The following WIPF1 variants were observed in gnomAD, a reference collection of about 807,000 sequenced individuals.
WIPF1 encodes the protein WAS/WASL-interacting protein family member 1.
Under a neutral mutation model 35.4 loss-of-function variants are expected in WIPF1, and 13 were observed. That is an observed-to-expected ratio of 0.37 (90% confidence interval 0.24 to 0.58). The LOEUF (loss-of-function observed/expected upper bound fraction) is 0.58. Among genes scored for constraint, WIPF1 ranks in the 20% least tolerant of loss-of-function variants. The probability of loss-of-function intolerance (pLI) is 0.74; values close to 1 mark genes in which losing one functional copy is unlikely to be tolerated. For synonymous variants in WIPF1, 267 were observed against 266.3 expected, an observed-to-expected ratio of 1.00 and a Z score of -0.02; for missense variants, 591 against 667.0, an observed-to-expected ratio of 0.89 and a Z score of 1.25.
In WIPF1 at chr2:174,654,655, T is replaced by A. The variant is rs531521997; in HGVS notation, c.-39+28119A>T. On this transcript the variant is annotated intron_variant, in intron 1 of 8. Transcript: ENST00000272746. ...AGATGATTCATACTTTCCTTGCCCT[T>A]ATTATGTCTGCAGTCAGTTCTTAAC... Among the ~76,000 whole-genome samples the A allele has an allele frequency of 3.3e-4, 50 of 152,180 alleles. 1 individual carries two copies. The highest frequency in any genetic ancestry group is 1.1e-3 in the African/African-American group (46 of 41,530).
intron 1 of WIPF1, among the ~76,000 whole-genome samples, chr2:174,603,029 G>A (rs896558891): frequency 2.6e-5 from 4 of 152,212 alleles, no homozygotes; most frequent in Non-Finnish European, 5.9e-5. Flanking sequence ...GTGATCATCA[G>A]AATCAAGGAA....
intron 1 of WIPF1, among the ~76,000 whole-genome samples, chr2:174,654,047 T>C (rs759788358): frequency 4.6e-5 from 7 of 152,238 alleles, no homozygotes; most frequent in Non-Finnish European, 8.8e-5. Context: ...AAAATCCTCC[T>C]CTACTTCCTT....
intron 1 of WIPF1, among the ~76,000 whole-genome samples, chr2:174,597,364 CA>C (rs977190302): frequency 1.3e-5 from 2 of 152,038 alleles, no homozygotes; most frequent in Non-Finnish European, 2.9e-5. Flanking sequence ...GTCCAGTGGT[CA>C]AAAAAATTCT....
At chr2:174,634,138 C>A (rs1687111363) in intron 1 of WIPF1, among the ~76,000 whole-genome samples, 1 of 152,208 alleles carries the variant, frequency 6.6e-6, no homozygotes, top group East Asian at 1.9e-4. Context: ...TTCTAACACC[C>A]TTTGAATGCC....
At chr2:174,569,932 A>G (rs1684778432) in intron 5 of WIPF1, among the ~76,000 whole-genome samples, 1 of 152,244 alleles carries the variant, frequency 6.6e-6, no homozygotes, top group Non-Finnish European at 1.5e-5. Flanking sequence ...GGGAATGTAA[A>G]TTGGTAGGAA....
chr2:174,675,395 C>T (rs184619207), intron 1 of WIPF1, among the ~76,000 whole-genome samples: 17 of 152,230 alleles, frequency 1.1e-4, no homozygotes, highest in Admixed American at 1.1e-3. Flanking sequence ...CTCGCTCTGT[C>T]ATCCATGCTG....
In WIPF1 at chr2:174,567,050, A is replaced by T. The variant is rs1480908202; in HGVS notation, c.1456+20T>A. ...GCTACTCAAGCGTGAATCTTCAAAA[A>T]CCTTGGCAGAAATACTCACTCCGGC... On this transcript the variant is annotated intron_variant, in intron 7 of 7. Coordinates refer to ENST00000679041, the MANE Select transcript of WIPF1 (RefSeq NM_001375834.1). The T allele has an allele frequency of 1.9e-6, 3 of 1,612,090 alleles. No homozygotes were observed. In the Admixed American group the frequency reaches 5.0e-5, roughly 27 times the overall value.
chr2:174,602,234 C>T (rs1163044703), upstream of WIPF1, among the ~76,000 whole-genome samples: 2 of 152,134 alleles, frequency 1.3e-5, no homozygotes, highest in Admixed American at 6.5e-5. Context: ...AAACCAAGAG[C>T]AGGCAGAAGA....
In WIPF1 at chr2:174,585,539, G is replaced by A. The variant is rs1559152121; in HGVS notation, c.35C>T (p.Pro12Leu). ...GACACTCACCAGTGCAAACGTCGGG[G>A]GCGGCGGGGGTGCTGGAGGGGGAGG... is the stretch of plus-strand genomic sequence containing the variant. The part of the protein sequence containing the change: ...PVPPPPAPPP[P>L]PTFALANTEK... The change falls in exon 2 of 8, where the codon CCC (proline) becomes CTC (leucine). Residue 12 changes from proline to leucine, a missense_variant. Physicochemically the swap from Pro to Leu is moderately conservative, Grantham distance 98. Transcript: ENST00000679041. 3 of 1,613,056 alleles carry A rather than the reference G, an allele frequency of 1.9e-6. No homozygotes were observed. Among genetic ancestry groups the A allele is most frequent in the South Asian group, 2.2e-5 (2 of 91,012 alleles).
intron 1 of WIPF1, among the ~76,000 whole-genome samples, chr2:174,623,829 G>GATTTA: frequency 1.3e-5 from 2 of 152,260 alleles, no homozygotes; most frequent in Admixed American, 1.3e-4. Context: ...ATATGCACTG[G>GATTTA]ATTTAATAAT....
At chr2:174,572,553 T>A in intron 4 of WIPF1, 107 bp from the exon 5 acceptor site, 2 of 1,389,594 alleles carry the variant, frequency 1.4e-6, no homozygotes, top group Non-Finnish European at 1.9e-6. Context: ...CAGAGGGCTA[T>A]AAAATACAGG....
intron 1 of WIPF1, among the ~76,000 whole-genome samples, chr2:174,624,272 G>A (rs1369910353): frequency 6.6e-6 from 1 of 152,218 alleles, no homozygotes; most frequent in Non-Finnish European, 1.5e-5. Flanking sequence ...AGCAGAAAGT[G>A]AGTGGAGGAG....
Position 174,559,907 on chromosome 2 carries a change from G to A in WIPF1, c.*2640C>T, listed in dbSNP as rs1360778842. The A allele has an allele frequency of 6.6e-6, 1 of 152,472 alleles. No individual in the cohort carries two copies. The highest frequency in any genetic ancestry group is 1.5e-5 in the Non-Finnish European group (1 of 67,978). 9.4% of individuals were successfully genotyped at this position (152,472 alleles called of 1,614,324 possible). A position where few individuals can be genotyped will look rare whatever the true frequency, so the allele number is the denominator to read the frequency against. ...TACTACTTAGACATAAAAAAAAGTT[G>A]ATTTCTTTTAAATCACAAAGTAAGG... On this transcript the variant is annotated 3_prime_UTR_variant, in exon 8 of 8. Coordinates refer to ENST00000679041, the MANE Select transcript of WIPF1 (RefSeq NM_001375834.1).
chr2:174,667,651 G>A (rs1687920499), intron 1 of WIPF1, among the ~76,000 whole-genome samples: 1 of 152,190 alleles, frequency 6.6e-6, no homozygotes, highest in Non-Finnish European at 1.5e-5. Context: ...AGAGCACCAG[G>A]AGGGGAAGCC....
rs1296101020 is a variant in WIPF1, at chr2:174,567,238, T to TA, written c.1343-56dup. 17 of 1,502,522 alleles carry TA rather than the reference T, an allele frequency of 1.1e-5. No homozygotes were observed. In the East Asian group the frequency reaches 3.6e-4, roughly 32 times the overall value. The allele number at this position is 1,502,522 out of a possible 1,614,324, so 93.1% of individuals were successfully genotyped here. A position where few individuals can be genotyped will look rare whatever the true frequency, so the allele number is the denominator to read the frequency against. On this transcript the variant is annotated intron_variant, in intron 6 of 7. Transcript: ENST00000679041. The stretch of plus-strand genomic sequence containing the variant: ...TGACAGACAATGTGCTATGAAGACT[T>TA]ACGTAACGAAAGGCACAGAATGAAA...
rs1215196872 is a variant in WIPF1 at position 174,590,403 on chromosome 2, G to A, written c.-38-4792C>T. 6.6e-6 allele frequency among the ~76,000 whole-genome samples: 1 copy of A among 152,178 alleles called. No individual in the cohort carries two copies. Among genetic ancestry groups the A allele is most frequent in the African/African-American group, 2.4e-5 (1 of 41,438 alleles). On this transcript the variant is annotated intron_variant, in intron 1 of 7. Transcript: ENST00000679041. The surrounding 1 kb of genome is among the most constrained non-coding windows in gnomAD (Gnocchi z 4.6). ...ACAAGCTGCTGAGTGCCTGGCAGAG[G>A]AGGGATGGACCTGGAGGCTAGTCTG...
chr2:174,594,726 C>G, intron 1 of WIPF1, among the ~76,000 whole-genome samples: 1 of 123,622 alleles, frequency 8.1e-6, no homozygotes, highest in East Asian at 2.0e-4. Context: ...CATACACACA[C>G]AGCATATATG....
chr2:174,665,164 T>C (rs1448779841), intron 1 of WIPF1: 1 of 152,188 alleles, frequency 6.6e-6, no homozygotes, highest in African/African-American at 2.4e-5. Context: ...TATAATATGG[T>C]TTCTCCTTTC....
At chr2:174,671,217 T>C (rs772035806) in intron 1 of WIPF1, among the ~76,000 whole-genome samples, 1 of 152,224 alleles carries the variant, frequency 6.6e-6, no homozygotes, top group African/African-American at 2.4e-5. Context: ...TTAACACTTT[T>C]ATAATTTCTT....
Sources: allele counts gnomAD v4.1 joint callset (sites outside exome capture counted in the v4.1 genomes callset), GRCh38; gene constraint gnomAD v4.1.1; non-coding constraint Gnocchi (gnomAD v3.1); transcripts MANE v1.5; gene names NCBI Gene and HGNC (gene_info 2026-07-23, HGNC 2026-07-21).